Variants in EML2 observed in about 807,000 individuals in gnomAD.
EML2 encodes the protein echinoderm microtubule-associated protein-like 2.
Under a neutral mutation model 84.7 loss-of-function variants are expected in EML2, and 59 were observed. The ratio of observed to expected loss-of-function variants is 0.70; its 90% CI spans 0.56 to 0.86. The LOEUF (loss-of-function observed/expected upper bound fraction) is 0.86. Ranked by LOEUF, EML2 falls within the 40% of genes least tolerant of loss-of-function variation. The pLI is 0.00. For missense variants in EML2, 818 were observed against 855.6 expected, an observed-to-expected ratio of 0.96 and a Z score of 0.55; for synonymous variants, 352 against 348.9, an observed-to-expected ratio of 1.01 and a Z score of -0.10.
chr19:45,623,244 A>C (rs1971932406), intron 9 of EML2, among the ~76,000 whole-genome samples: 2 of 152,146 alleles, frequency 1.3e-5, no homozygotes, highest in Non-Finnish European at 2.9e-5. Flanking sequence ...CTGTAGTCCC[A>C]GCTACTTGGG....
At chr19:45,633,785 C>G (rs185584869) in intron 4 of EML2, among the ~76,000 whole-genome samples, 2 of 152,130 alleles carry the variant, frequency 1.3e-5, no homozygotes, top group Non-Finnish European at 2.9e-5. Flanking sequence ...CGCTCTGTCC[C>G]CCAGGCTAGA....
chr19:45,621,439 G>T (rs369589062), intron 10 of EML2, 44 bp downstream of exon 10: 510 of 1,591,890 alleles, frequency 3.2e-4, no homozygotes, highest in Admixed American at 1.4e-3. Context: ...GTGAGATCGG[G>T]GGGGGCCTCT....
In EML2 at chr19:45,616,633, A is replaced by G. The variant is rs1442013203; in HGVS notation, c.1412-75T>C. 6.0e-5 allele frequency: 85 copies of G among 1,412,218 alleles called. No homozygotes were observed. The Middle Eastern group carries it at 1.2e-3, about 19-fold the overall frequency. 87.5% of individuals were successfully genotyped at this position (1,412,218 alleles called of 1,614,324 possible). ...TCCTCGCCCAGACTCAGCCCCCTCA[A>G]CAGTCCCCAGCTCCATCCCCACTGC... On this transcript the variant is annotated intron_variant, in intron 14 of 18. Coordinates refer to ENST00000245925, the MANE Select transcript of EML2 (RefSeq NM_012155.4).
intron 11 of EML2, 75 bp downstream of exon 11, chr19:45,621,132 G>C: frequency 6.4e-7 from 1 of 1,556,534 alleles, no homozygotes; most frequent in Non-Finnish European, 8.7e-7. Context: ...GGAGTGGGGA[G>C]GGGGAGTGGA....
chr19:45,641,092 C>A (rs1974437069), upstream of EML2: 1 of 154,216 alleles, frequency 6.5e-6, no homozygotes, highest in Non-Finnish European at 1.4e-5. Flanking sequence ...CACGCCCCTA[C>A]GGCCCCGCCC....
intron 12 of EML2, 25 bp downstream of exon 12, chr19:45,619,035 C>G: frequency 6.3e-7 from 1 of 1,583,604 alleles, no homozygotes. Flanking sequence ...TAGAATGGTG[C>G]TTTTCCAGTC....
rs752788732 is a variant in EML2, at chr19:45,638,621, C to A, written c.63G>T (p.Val21=). 1 of 1,613,944 alleles carries A rather than the reference C, an allele frequency of 6.2e-7. No individual in the cohort carries two copies. Among genetic ancestry groups the A allele is most frequent in the South Asian group, 1.1e-5 (1 of 91,080 alleles). ...CAGGGCGGCCCCTCAGGAACATTTT[C>A]ACGGAGCCATCCTCTGCCAGGACAC... ...EVIFSVEDGS[V]KMFLRGRPVP... Residue 21 remains valine, a synonymous_variant, in exon 3 of 19, where the codon GTG becomes GTT. Transcript: ENST00000245925.
intron 12 of EML2, 143 bp from the exon 13 acceptor site, chr19:45,617,840 A>G (rs1481822285): frequency 2.4e-5 from 15 of 614,280 alleles, no homozygotes; most frequent in Non-Finnish European, 4.0e-5. Flanking sequence ...CCCACCCCAG[A>G]CACCATGGCA....
intron 3 of EML2, 50 bp downstream of exon 3, chr19:45,638,455 T>C (rs773990112): frequency 1.2e-6 from 2 of 1,612,336 alleles, no homozygotes; most frequent in Non-Finnish European, 1.7e-6. Context: ...CGCCTTTCTA[T>C]TTCCTCCTGG....
At chr19:45,638,101 C>T (rs1182488112) in intron 3 of EML2, among the ~76,000 whole-genome samples, 1 of 152,244 alleles carries the variant, frequency 6.6e-6, no homozygotes, top group African/African-American at 2.4e-5. Context: ...TTATCAGTCC[C>T]TGTGCATGGG....
chr19:45,643,834 G>A, upstream of EML2: 3 of 1,351,852 alleles, frequency 2.2e-6, no homozygotes, highest in Non-Finnish European at 2.9e-6. Context: ...TGGACCTGCA[G>A]AGGGAGGTGG....
In EML2 at chr19:45,625,066, T is replaced by A. The variant is rs143626717; in HGVS notation, c.742-248A>T. On this transcript the variant is annotated intron_variant, in intron 8 of 18. Coordinates refer to ENST00000245925, the MANE Select transcript of EML2 (RefSeq NM_012155.4). ...GGCCCACTTCCTGCCCTCTCTCTGG[T>A]CCCCCTGACTCTTTCTTTTGAGATA... 2.8e-3 allele frequency among the ~76,000 whole-genome samples: 430 copies of A among 152,130 alleles called. 5 individuals carry two copies. Among genetic ancestry groups the A allele is most frequent in the South Asian group, 0.012 (56 of 4,808 alleles).
chr19:45,641,434 C>A, upstream of EML2: 1 of 575,542 alleles, frequency 1.7e-6, no homozygotes. Context: ...TCTGGCCACG[C>A]CCCTCAATAT....
chr19:45,643,437 G>T, upstream of EML2: 6 of 859,312 alleles, frequency 7.0e-6, no homozygotes, highest in Admixed American at 2.5e-5. Flanking sequence ...TGTACCCCGC[G>T]CCCCAGATTT....
intron 9 of EML2, among the ~76,000 whole-genome samples, chr19:45,621,906 G>A (rs920709479): frequency 6.6e-6 from 1 of 151,834 alleles, no homozygotes; most frequent in African/African-American, 2.4e-5. Context: ...CACCATGCCT[G>A]GCGAATTTTT....
chr19:45,610,328 CGG>C (rs1970361291), intron 18 of EML2, among the ~76,000 whole-genome samples: 5 of 152,032 alleles, frequency 3.3e-5, no homozygotes, highest in African/African-American at 1.2e-4. Context: ...ACCAGGGAGT[CGG>C]AGGTTGCAGT....
In EML2 at chr19:45,616,901, CAGAG is replaced by C. The variant is rs752047096; in HGVS notation, c.1323-52_1323-49del. 100 of 1,399,954 alleles carry C rather than the reference CAGAG, an allele frequency of 7.1e-5. No homozygotes were observed. The East Asian group carries it at 7.2e-4, about 10-fold the overall frequency. The allele number at this position is 1,399,954 out of a possible 1,614,324, so 86.7% of individuals were successfully genotyped here. On this transcript the variant is annotated intron_variant, in intron 13 of 18. Transcript: ENST00000245925. ...GGGGAGGAGGGGTGAGCTGATCTGACAGAGAGAGGCCGCAATCTGTGGGGTCTAA... is the reference window on the plus strand; with the variant it reads ...GGGGAGGAGGGGTGAGCTGATCTGACAGAGGCCGCAATCTGTGGGGTCTAA...
At chr19:45,637,667 C>CT (rs58180181) in intron 3 of EML2, among the ~76,000 whole-genome samples, 5,422 of 48,950 alleles carry the variant, frequency 0.11, 556 homozygotes, top group East Asian at 0.2. Flanking sequence ...TTTTTCTTTT[C>CT]TTTTTTTTTT....
chr19:45,627,406 C>G (rs1246597038), intron 7 of EML2, among the ~76,000 whole-genome samples: 1 of 151,904 alleles, frequency 6.6e-6, no homozygotes, highest in Non-Finnish European at 1.5e-5. Flanking sequence ...AGGGACGTGC[C>G]ACCACACCTG....
Sources: gnomAD v4.1 joint callset for allele counts (sites outside exome capture counted in the v4.1 genomes callset) on GRCh38, gnomAD v4.1.1 for gene constraint, MANE v1.5 for transcripts, NCBI Gene and HGNC (gene_info 2026-07-23, HGNC 2026-07-21) for gene names.